Variants in GMDS observed in about 807,000 individuals in gnomAD.
GMDS encodes GDP-mannose 4,6-dehydratase.
A neutral mutation model predicts 49.9 loss-of-function variants in GMDS; 20 were observed. The observed-to-expected ratio is 0.40, with a 90% CI of 0.28 to 0.58. The LOEUF (loss-of-function observed/expected upper bound fraction) is 0.58. Ranked by LOEUF, GMDS falls within the 20% of genes least tolerant of loss-of-function variation. The pLI, the probability that GMDS is intolerant of heterozygous loss-of-function variation, is 0.42. For missense variants in GMDS, 362 were observed against 481.4 expected, an observed-to-expected ratio of 0.75 and a Z score of 2.32; for synonymous variants, 177 against 178.6, an observed-to-expected ratio of 0.99 and a Z score of 0.07.
At chr6:2,071,317 A>T (rs1771982044) in intron 4 of GMDS, among the ~76,000 whole-genome samples, 1 of 152,160 alleles carries the variant, frequency 6.6e-6, no homozygotes, top group African/African-American at 2.4e-5. Flanking sequence ...TCTACTTCTT[A>T]TCCTGATGAA....
chr6:1,718,464 C>T (rs2113414995), intron 9 of GMDS, among the ~76,000 whole-genome samples: 1 of 152,238 alleles, frequency 6.6e-6, no homozygotes, highest in Middle Eastern at 3.4e-3. Context: ...TCCACATGTC[C>T]TTAGTCCACT....
intron 9 of GMDS, among the ~76,000 whole-genome samples, chr6:1,648,476 A>G (rs1425520881): frequency 6.6e-6 from 1 of 152,246 alleles, no homozygotes; most frequent in East Asian, 1.9e-4. Flanking sequence ...AGCTCCATAA[A>G]GTATGGCTTA....
At chr6:2,098,580 C>T (rs1773745970) in intron 4 of GMDS, among the ~76,000 whole-genome samples, 1 of 152,080 alleles carries the variant, frequency 6.6e-6, no homozygotes, top group Admixed American at 6.5e-5. Flanking sequence ...AGTTGAGAAA[C>T]ACTTAAAGCA....
chr6:1,959,955 A>G lies in GMDS; in HGVS notation c.555T>C (p.Tyr185=). 1.9e-6 allele frequency: 3 copies of G among 1,601,610 alleles called. No individual in the cohort carries two copies. Among genetic ancestry groups the G allele is most frequent in the Non-Finnish European group, 2.6e-6 (3 of 1,174,438 alleles). ...PRSPYGAAKL[Y]AYWIVVNFRE... ...GGAAGTTCACCACAATCCAATAGGCATAGAGTTTTGCTGCCCCTGTTGGAA... is the reference window on the plus strand; with the variant it reads ...GGAAGTTCACCACAATCCAATAGGCGTAGAGTTTTGCTGCCCCTGTTGGAA... The change falls in exon 6 of 11, where the codon TAT becomes TAC. Residue 185 remains tyrosine, a synonymous_variant. Transcript: ENST00000380815.
chr6:1,790,157 T>C (rs1769479077), intron 7 of GMDS, among the ~76,000 whole-genome samples: 1 of 152,178 alleles, frequency 6.6e-6, no homozygotes, highest in Non-Finnish European at 1.5e-5. Context: ...TCCTACTCAC[T>C]TGGTGAGAAA....
chr6:2,148,992 G>A (rs1341404904), intron 1 of GMDS, among the ~76,000 whole-genome samples: 2 of 152,156 alleles, frequency 1.3e-5, no homozygotes, highest in East Asian at 1.9e-4. Context: ...GCATGGTTAC[G>A]AATCATCACA....
At position 2,164,031 on chromosome 6, in the gene GMDS, C is replaced by G. The variant is rs534636962; in HGVS notation, c.103-39300G>C. On this transcript the variant is annotated intron_variant, in intron 1 of 10. Coordinates refer to ENST00000380815, the MANE Select transcript of GMDS (RefSeq NM_001500.4). ...TCCTAATAAGCCTTTGAATCCTTTT[C>G]TCTACATTAAAATGAGCCAAGTCTA... Among the ~76,000 whole-genome samples the G allele has an allele frequency of 2.3e-4, 35 of 152,312 alleles. 2 individuals are homozygous for G. In the South Asian group the frequency reaches 6.4e-3, roughly 28 times the overall value.
intron 7 of GMDS, among the ~76,000 whole-genome samples, chr6:1,777,352 G>T (rs571836502): frequency 6.6e-6 from 1 of 152,320 alleles, no homozygotes; most frequent in African/African-American, 2.4e-5. Flanking sequence ...GAGGATGTGT[G>T]ATATTTTTTT....
chr6:1,778,123 T>G lies in GMDS; in HGVS notation c.772-35537A>C, dbSNP rs188572987. Among the ~76,000 whole-genome samples, 1 of 152,142 alleles carries G rather than the reference T, an allele frequency of 6.6e-6. No homozygotes were observed. The highest frequency in any genetic ancestry group is 1.5e-5 in the Non-Finnish European group (1 of 68,016). ...TTTTGATAGAGTGCCAAAACAGTACTGCATTCCTTAAAGAGCTGAATAAAG... is the reference window on the plus strand; with the variant it reads ...TTTTGATAGAGTGCCAAAACAGTACGGCATTCCTTAAAGAGCTGAATAAAG... On this transcript the variant is annotated intron_variant, in intron 7 of 10. Transcript: ENST00000380815. The surrounding 1 kb of genome is among the most constrained non-coding windows in gnomAD (Gnocchi z 4.6).
chr6:2,116,784 CCT>C, intron 3 of GMDS, among the ~76,000 whole-genome samples: 1 of 152,086 alleles, frequency 6.6e-6, no homozygotes, highest in East Asian at 1.9e-4. Context: ...AGTTAAAATC[CCT>C]GTGTCCTGGT....
chr6:2,231,798 C>A (rs1332900648), intron 1 of GMDS, among the ~76,000 whole-genome samples: 1 of 152,108 alleles, frequency 6.6e-6, no homozygotes, highest in Non-Finnish European at 1.5e-5. Context: ...AACGTGTGTC[C>A]TACCTTGGAG....
intron 7 of GMDS, among the ~76,000 whole-genome samples, chr6:1,744,850 G>A (rs924994783): frequency 5.3e-5 from 8 of 152,260 alleles, no homozygotes; most frequent in African/African-American, 1.7e-4. Context: ...CCACTGGAAT[G>A]AATTCCAATG....
At chr6:1,750,632 G>A (rs1428131080) in intron 7 of GMDS, among the ~76,000 whole-genome samples, 1 of 152,088 alleles carries the variant, frequency 6.6e-6, no homozygotes, top group African/African-American at 2.4e-5. Context: ...CAGGGCCCTG[G>A]GTTTCAAGCA....
intron 6 of GMDS, among the ~76,000 whole-genome samples, chr6:1,945,731 G>A (rs538832290): frequency 1.1e-4 from 16 of 152,226 alleles, no homozygotes; most frequent in South Asian, 2.1e-4. Flanking sequence ...GAAACATCGT[G>A]AAACCCTGTT....
At chr6:2,222,861 C>T (rs1780654254) in intron 1 of GMDS, among the ~76,000 whole-genome samples, 2 of 152,110 alleles carry the variant, frequency 1.3e-5, no homozygotes, top group Admixed American at 1.3e-4. Flanking sequence ...GCTCTGAAGG[C>T]TATTTTTTAG....
intron 4 of GMDS, among the ~76,000 whole-genome samples, chr6:2,053,690 T>C (rs74380882): frequency 0.019 from 2,895 of 152,146 alleles, 107 homozygotes; most frequent in African/African-American, 0.065. Flanking sequence ...AATTTCACAG[T>C]ACATAATTTT....
At chr6:2,240,083 T>C (rs944802571) in intron 1 of GMDS, among the ~76,000 whole-genome samples, 9 of 152,184 alleles carry the variant, frequency 5.9e-5, no homozygotes, top group South Asian at 2.1e-4. Flanking sequence ...AATCCTCTTA[T>C]ATGAGAAGAT....
In GMDS at chr6:1,723,332, TTTTTTTTTTTTTTAGAC is replaced by T. The variant is rs1262584851; in HGVS notation, c.987+3067_987+3083del. ...TTTTTCAAATTTTCTTTATGGCATT[TTTTTTTTTTTTTTAGAC>T]GGAGTCTCGCTCTGTGGCCCAGGCT... is the stretch of plus-strand genomic sequence containing the variant. On this transcript the variant is annotated intron_variant, in intron 9 of 10. Coordinates refer to ENST00000380815, the MANE Select transcript of GMDS (RefSeq NM_001500.4). Among the ~76,000 whole-genome samples the T allele has an allele frequency of 5.5e-5, 8 of 145,030 alleles. No individual in the cohort carries two copies. In the East Asian group the frequency reaches 1.6e-3, roughly 29 times the overall value.
intron 4 of GMDS, among the ~76,000 whole-genome samples, chr6:1,978,764 T>C (rs1341933049): frequency 6.6e-6 from 1 of 152,186 alleles, no homozygotes; most frequent in Non-Finnish European, 1.5e-5. Context: ...AGATTGTTTT[T>C]TTAAGTGGGT....
Sources: gnomAD v4.1 joint callset for allele counts (sites outside exome capture counted in the v4.1 genomes callset) on GRCh38, gnomAD v4.1.1 for gene constraint, Gnocchi (gnomAD v3.1) non-coding constraint, MANE v1.5 for transcripts, NCBI Gene and HGNC (gene_info 2026-07-23, HGNC 2026-07-21) for gene names.